SAMD8: variants seen among roughly 807,000 people sequenced by gnomAD.
SAMD8 encodes sphingomyelin synthase-related protein 1.
In SAMD8, 20 loss-of-function variants were observed where a neutral mutation model predicts 42.0. The ratio of observed to expected loss-of-function variants is 0.48; its 90% confidence interval spans 0.34 to 0.69. SAMD8 has a LOEUF of 0.69. Ranked by LOEUF, SAMD8 falls within the 30% of genes least tolerant of loss-of-function variation. The pLI is 0.01. For missense variants in SAMD8, 328 were observed against 511.6 expected (o/e 0.64, Z 3.46); for synonymous variants, 162 against 173.0 (o/e 0.94, Z 0.50).
Position 75,180,750 on chromosome 10 carries a change from G to A in SAMD8, c.*4058G>A, listed in dbSNP as rs1841069165. 6.6e-6 allele frequency: 1 copy of A among 152,170 alleles called. No individual in the cohort carries two copies. The highest frequency in any genetic ancestry group is 6.5e-5 in the Admixed American group (1 of 15,274). 9.4% of individuals were successfully genotyped at this position (152,170 alleles called of 1,614,324 possible). A position where few individuals can be genotyped will look rare whatever the true frequency, so the allele number is the denominator to read the frequency against. On this transcript the variant is annotated 3_prime_UTR_variant, in exon 6 of 6. Transcript: ENST00000542569. ...TTTTACTAAGAATTCCAGAAATCCT[G>A]TAATTTGTAAATGGGAAACAGAGGA...
chr10:75,161,697 T>G (rs1327983429), intron 2 of SAMD8, among the ~76,000 whole-genome samples: 3 of 151,394 alleles, frequency 2.0e-5, no homozygotes, highest in Non-Finnish European at 4.4e-5. Flanking sequence ...AAAAAGAGCT[T>G]TTGGGGGAAA....
At chr10:75,170,442 G>A (rs1840823131) in intron 4 of SAMD8, among the ~76,000 whole-genome samples, 1 of 152,144 alleles carries the variant, frequency 6.6e-6, no homozygotes, top group Non-Finnish European at 1.5e-5. Context: ...CTTTCTCCTG[G>A]TATTAGGAAG....
At chr10:75,143,888 T>A (rs1405399277) in intron 1 of SAMD8, among the ~76,000 whole-genome samples, 2 of 152,102 alleles carry the variant, frequency 1.3e-5, no homozygotes, top group African/African-American at 4.8e-5. Flanking sequence ...TTGATGTTGT[T>A]CCACCTCTCA....
upstream of SAMD8, chr10:75,108,218 G>A (rs1476252175): frequency 1.3e-6 from 2 of 1,585,918 alleles, no homozygotes; most frequent in African/African-American, 2.7e-5. Context: ...CCCTGGGGAG[G>A]GCAGGAAGGG....
intron 1 of SAMD8, chr10:75,103,998 T>G: frequency 7.4e-7 from 1 of 1,355,458 alleles, no homozygotes; most frequent in Non-Finnish European, 9.8e-7. Context: ...TCCACCATCT[T>G]CTGTGTGTCC....
intron 1 of SAMD8, among the ~76,000 whole-genome samples, chr10:75,116,812 A>G (rs1848891918): frequency 6.6e-6 from 1 of 151,892 alleles, no homozygotes; most frequent in South Asian, 2.1e-4. Context: ...GATGTAGCAT[A>G]TTTATTTATT....
rs576305463 is a variant in SAMD8, at chr10:75,141,777, A to G, written c.-15-8737A>G. On this transcript the variant is annotated intron_variant, in intron 1 of 5. Transcript: ENST00000542569. ...AGGATGGTCTCGATCTCCTGACCTC[A>G]TGATCCACCTGCCTCAGCCTCCCAA... 3.4e-3 allele frequency among the ~76,000 whole-genome samples: 516 copies of G among 151,644 alleles called. 2 individuals carry two copies. Among genetic ancestry groups the G allele is most frequent in the African/African-American group, 0.012 (478 of 41,348 alleles).
chr10:75,155,437 A>T (rs983327780), intron 2 of SAMD8, among the ~76,000 whole-genome samples: 3 of 152,020 alleles, frequency 2.0e-5, no homozygotes, highest in Non-Finnish European at 4.4e-5. Context: ...GAGAGAGAGA[A>T]CAGTATGCCA....
chr10:75,162,956 G>A (rs898229450), intron 2 of SAMD8, among the ~76,000 whole-genome samples: 9 of 151,144 alleles, frequency 6.0e-5, no homozygotes, highest in South Asian at 2.1e-4. Flanking sequence ...ACAGAGTCTC[G>A]CTCTGTCACC....
At chr10:75,111,634 C>T (rs1201888513), upstream of SAMD8, 9 of 1,246,876 alleles carry the variant, frequency 7.2e-6, no homozygotes, top group South Asian at 2.7e-4. Flanking sequence ...GCGCTTCACT[C>T]CGGCGAGGCG....
chr10:75,133,669 A>C (rs886466777), intron 1 of SAMD8, among the ~76,000 whole-genome samples: 9 of 152,224 alleles, frequency 5.9e-5, no homozygotes, highest in Non-Finnish European at 1.0e-4. Context: ...AACATGGATG[A>C]ATCTGGAGGA....
At chr10:75,165,213 C>T (rs1589973495) in intron 3 of SAMD8, among the ~76,000 whole-genome samples, 1 of 152,050 alleles carries the variant, frequency 6.6e-6, no homozygotes, top group Middle Eastern at 3.5e-3. Flanking sequence ...TCGCTTGGAC[C>T]CCAGGGTCGG....
intron 2 of SAMD8, among the ~76,000 whole-genome samples, chr10:75,159,996 C>T (rs1004520231): frequency 6.6e-6 from 1 of 152,126 alleles, no homozygotes; most frequent in Non-Finnish European, 1.5e-5. Context: ...AGCAGGCCCA[C>T]CTACAGCAGT....
At chr10:75,144,890 C>G (rs1364647692) in intron 1 of SAMD8, among the ~76,000 whole-genome samples, 1 of 152,144 alleles carries the variant, frequency 6.6e-6, no homozygotes, top group Admixed American at 6.5e-5. Context: ...AACTCATAGG[C>G]TTAAGCAATC....
intron 1 of SAMD8, among the ~76,000 whole-genome samples, chr10:75,113,171 A>G (rs988066478): frequency 2.0e-5 from 3 of 152,202 alleles, no homozygotes; most frequent in African/African-American, 7.2e-5. Flanking sequence ...CATAGTTCCA[A>G]AACATAATTA....
chr10:75,111,633 T>G, upstream of SAMD8: 2 of 1,246,486 alleles, frequency 1.6e-6, no homozygotes, highest in Non-Finnish European at 2.0e-6. Context: ...GGCGCTTCAC[T>G]CCGGCGAGGC....
chr10:75,147,151 A>C (rs1357792446), intron 1 of SAMD8, among the ~76,000 whole-genome samples: 1 of 152,184 alleles, frequency 6.6e-6, no homozygotes, highest in African/African-American at 2.4e-5. Flanking sequence ...GGAAAAAAAC[A>C]TATAAAAGAA....
At chr10:75,159,874 C>T (rs1263429946) in intron 2 of SAMD8, among the ~76,000 whole-genome samples, 2 of 152,190 alleles carry the variant, frequency 1.3e-5, no homozygotes, top group African/African-American at 4.8e-5. Context: ...CTGTAATTGA[C>T]TTTCACACTG....
intron 1 of SAMD8, among the ~76,000 whole-genome samples, chr10:75,102,743 G>A (rs1389566384): frequency 3.9e-5 from 6 of 152,176 alleles, no homozygotes; most frequent in African/African-American, 7.2e-5. Flanking sequence ...ACCTGAGGTC[G>A]GGAGTTCGAG....
Sources: gnomAD v4.1 joint callset for allele counts (sites outside exome capture counted in the v4.1 genomes callset) on GRCh38, gnomAD v4.1.1 for gene constraint, MANE v1.5 for transcripts, NCBI Gene and HGNC (gene_info 2026-07-23, HGNC 2026-07-21) for gene names.